The following CLDN14 variants were observed in gnomAD, a reference collection of about 807,000 sequenced individuals.
CLDN14 encodes the protein claudin 14.
Under a neutral mutation model 2.1 loss-of-function variants are expected in CLDN14, and 2 were observed. The observed-to-expected ratio is 0.96, with a 90% CI of 0.39 to 3.01. The LOEUF (loss-of-function observed/expected upper bound fraction) is 3.01. Ranked by LOEUF, CLDN14 falls within the 30% of genes most tolerant of loss-of-function variation. CLDN14 has a pLI of 0.09. For synonymous variants in CLDN14, 136 were observed against 154.4 expected (o/e 0.88, Z 0.88); for missense variants, 298 against 328.0 (o/e 0.91, Z 0.71).
At chr21:36,539,589 AG>A (rs1433138488) in intron 1 of CLDN14, among the ~76,000 whole-genome samples, 2 of 103,640 alleles carry the variant, frequency 1.9e-5, no homozygotes, top group Non-Finnish European at 4.0e-5. Flanking sequence ...GTGTGGAGTG[AG>A]TGTGTGTGTG....
Position 36,461,529 on chromosome 21 carries a change from C to T in CLDN14, c.167G>A (p.Trp56Ter), listed in dbSNP as rs371100799. 14 of 1,613,268 alleles carry T rather than the reference C, an allele frequency of 8.7e-6. No individual in the cohort carries two copies. Among genetic ancestry groups the T allele is most frequent in the African/African-American group, 8.0e-5 (6 of 74,926 alleles). Residue 56 changes from tryptophan to a stop codon, truncating the protein, a stop_gained, in exon 2 of 2, where the codon TGG becomes TAG. Transcript: ENST00000399135. LOFTEE classifies it low-confidence loss of function (END_TRUNC). Reference sequence around the variant, plus strand: ...GCACTGGTAGATGCCTGTGCTGTGCCACACACACTCCATCCAGAGCCCTTT... The same window carrying T: ...GCACTGGTAGATGCCTGTGCTGTGCTACACACACTCCATCCAGAGCCCTTT... Reference protein sequence around the residue: ...YLKGLWMECVWHSTGIYQCQI... With the variant: ...YLKGLWMECV
intron 1 of CLDN14, among the ~76,000 whole-genome samples, chr21:36,549,425 G>A (rs149144106): frequency 2.0e-5 from 3 of 152,326 alleles, no homozygotes; most frequent in Admixed American, 2.0e-4. Context: ...ATGAGGAGAA[G>A]GAGCGTGTGG....
intron 2 of CLDN14, among the ~76,000 whole-genome samples, chr21:36,495,565 G>T (rs978450119): frequency 1.3e-5 from 2 of 152,246 alleles, no homozygotes; most frequent in African/African-American, 4.8e-5. Flanking sequence ...AGCAGGTGCT[G>T]CCATGCACAT....
At chr21:36,497,722 C>A (rs1473747612) in intron 2 of CLDN14, among the ~76,000 whole-genome samples, 1 of 152,116 alleles carries the variant, frequency 6.6e-6, no homozygotes, top group Non-Finnish European at 1.5e-5. Context: ...ATCACATCTG[C>A]CCCCTTCTGC....
intron 1 of CLDN14, among the ~76,000 whole-genome samples, chr21:36,514,494 T>C (rs2087209723): frequency 6.6e-6 from 1 of 152,218 alleles, no homozygotes; most frequent in Non-Finnish European, 1.5e-5. Flanking sequence ...TGAGTCTCCC[T>C]GAATTAAACT....
At chr21:36,507,332 A>T (rs2087142334) in intron 2 of CLDN14, among the ~76,000 whole-genome samples, 1 of 152,170 alleles carries the variant, frequency 6.6e-6, no homozygotes, top group Non-Finnish European at 1.5e-5. Context: ...AACCCAGAGG[A>T]ACATGTGGCA....
At chr21:36,489,821 G>A (rs983450642) in intron 2 of CLDN14, among the ~76,000 whole-genome samples, 1 of 152,160 alleles carries the variant, frequency 6.6e-6, no homozygotes, top group Non-Finnish European at 1.5e-5. Context: ...AAGAAGATCC[G>A]GGCCTCACCT....
chr21:36,540,771 G>GC (rs1331652992), intron 1 of CLDN14, among the ~76,000 whole-genome samples: 3 of 152,168 alleles, frequency 2.0e-5, no homozygotes, highest in Admixed American at 6.5e-5. Flanking sequence ...CTTACAGGTG[G>GC]TGATAAATAG....
At position 36,499,448 on chromosome 21, in the gene CLDN14, T is replaced by C. The variant is rs2087072584; in HGVS notation, c.-82+10915A>G. ...CTGGGTTCCTACAGAGAGTTATGAA[T>C]GGAGGATTGAGTGCATTTAGGCTAT... On this transcript the variant is annotated intron_variant, in intron 2 of 2. Coordinates refer to the CLDN14 transcript ENST00000342108. This position sits in a 1 kb window ranked among gnomAD's most constrained non-coding sequence, Gnocchi z 4.7. Among the ~76,000 whole-genome samples, 1 of 152,142 alleles carries C rather than the reference T, an allele frequency of 6.6e-6. No individual in the cohort carries two copies. The highest frequency in any genetic ancestry group is 2.4e-5 in the African/African-American group (1 of 41,420).
chr21:36,518,759 C>G (rs1422097600), intron 1 of CLDN14, among the ~76,000 whole-genome samples: 1 of 152,204 alleles, frequency 6.6e-6, no homozygotes, highest in African/African-American at 2.4e-5. Context: ...GATATAGTCT[C>G]TGTCCCAATT....
intron 1 of CLDN14, among the ~76,000 whole-genome samples, chr21:36,565,755 T>C (rs949429241): frequency 3.9e-5 from 6 of 152,266 alleles, no homozygotes; most frequent in African/African-American, 1.4e-4. Context: ...TGTGGAGTCT[T>C]CCAAAGCAGT....
intron 1 of CLDN14, among the ~76,000 whole-genome samples, chr21:36,571,834 A>G (rs1198590911): frequency 1.3e-5 from 2 of 152,190 alleles, no homozygotes; most frequent in Non-Finnish European, 2.9e-5. Flanking sequence ...CAGGGGTTAT[A>G]AAGTACTTCC....
At chr21:36,497,972 A>G (rs1568859848) in intron 2 of CLDN14, among the ~76,000 whole-genome samples, 1 of 151,148 alleles carries the variant, frequency 6.6e-6, no homozygotes, top group Non-Finnish European at 1.5e-5. Context: ...GGTACAGCAC[A>G]GGGTGACACT....
chr21:36,564,798 T>C lies in CLDN14; in HGVS notation c.-220+11613A>G, dbSNP rs138397726. On this transcript the variant is annotated intron_variant, in intron 1 of 2. Transcript: ENST00000342108. ...CAATGTAGTACCAAGGGTTCTTAAA[T>C]GTGAAGGAGAGAGGCAGAAAGTCAG... Among the ~76,000 whole-genome samples the C allele has an allele frequency of 2.0e-3, 299 of 152,240 alleles. 1 individual carries two copies. Among genetic ancestry groups the C allele is most frequent in the African/African-American group, 6.5e-3 (269 of 41,526 alleles).
chr21:36,536,975 GA>G (rs2087428780), intron 1 of CLDN14, among the ~76,000 whole-genome samples: 1 of 152,224 alleles, frequency 6.6e-6, no homozygotes. Flanking sequence ...TGGATCACCT[GA>G]GGCTGGGAGT....
chr21:36,497,606 A>G (rs1459945699), intron 2 of CLDN14, among the ~76,000 whole-genome samples: 1 of 152,070 alleles, frequency 6.6e-6, no homozygotes, highest in Admixed American at 6.6e-5. Flanking sequence ...AAGGTTTTGC[A>G]CAAATCATCT....
At chr21:36,571,101 A>T (rs2087707092) in intron 1 of CLDN14, among the ~76,000 whole-genome samples, 2 of 152,228 alleles carry the variant, frequency 1.3e-5, no homozygotes, top group Non-Finnish European at 2.9e-5. Context: ...CAGCCTCCGA[A>T]AGTGCTGGGA....
chr21:36,519,001 T>G (rs1163874329), intron 1 of CLDN14, among the ~76,000 whole-genome samples: 1 of 152,208 alleles, frequency 6.6e-6, no homozygotes, highest in Admixed American at 6.5e-5. Context: ...GCTTCTCTGG[T>G]TTCTCACCCA....
intron 2 of CLDN14, among the ~76,000 whole-genome samples, chr21:36,493,204 G>A (rs547708517): frequency 6.6e-6 from 1 of 152,230 alleles, no homozygotes; most frequent in East Asian, 1.9e-4. Flanking sequence ...CAGCTGTGAG[G>A]GGCTGTGAGA....
Sources: gnomAD v4.1 joint callset for allele counts (sites outside exome capture counted in the v4.1 genomes callset) on GRCh38, gnomAD v4.1.1 for gene constraint, Gnocchi (gnomAD v3.1) non-coding constraint, MANE v1.5 for transcripts, NCBI Gene and HGNC (gene_info 2026-07-23, HGNC 2026-07-21) for gene names.